CTNNBIP1: variants seen among roughly 807,000 people sequenced by gnomAD.
CTNNBIP1 encodes the protein beta-catenin-interacting protein 1.
In CTNNBIP1, 7 loss-of-function variants were observed where a neutral mutation model predicts 11.8. The observed-to-expected ratio is 0.60, with a 90% CI of 0.34 to 1.12. CTNNBIP1 has a LOEUF of 1.12. CTNNBIP1 is among the 50% of genes most tolerant of loss of function. The pLI is 0.03. For missense variants in CTNNBIP1, 101 were observed against 113.4 expected (o/e 0.89, Z 0.50); for synonymous variants, 58 against 43.9 (o/e 1.32, Z -1.26).
In CTNNBIP1 at chr1:9,879,871, C is replaced by T. The variant is rs1024311472; in HGVS notation, c.-109-1882G>A. 2.0e-5 allele frequency among the ~76,000 whole-genome samples: 3 copies of T among 152,112 alleles called. No homozygotes were observed. The South Asian group carries it at 6.2e-4, about 32-fold the overall frequency. On this transcript the variant is annotated intron_variant, in intron 2 of 5. Transcript: ENST00000377263. ...GAAGGGGTCAAAGGATAGGGACTGT[C>T]CAGGGATTCACGGACAGCTGTTCTA...
intron 5 of CTNNBIP1, among the ~76,000 whole-genome samples, chr1:9,854,035 C>T (rs1364157439): frequency 6.6e-6 from 1 of 152,066 alleles, no homozygotes; most frequent in Non-Finnish European, 1.5e-5. Context: ...GGATAAAGGA[C>T]AAAAACCATA....
Position 9,872,073 on chromosome 1 carries a change from C to T in CTNNBIP1, c.-9G>A, listed in dbSNP as rs11555522. The stretch of plus-strand genomic sequence containing the variant: ...GCTCCCTCGCGGTTCATCCCCCTGC[C>T]TGGCTCTGGGGACTCCTGCAGAGCA... On this transcript the variant is annotated 5_prime_UTR_variant, in exon 4 of 6. Coordinates refer to ENST00000377263, the MANE Select transcript of CTNNBIP1 (RefSeq NM_020248.3). The surrounding 1 kb of genome is among the most constrained non-coding windows in gnomAD (Gnocchi z 4.0). 20 of 1,611,106 alleles carry T rather than the reference C, an allele frequency of 1.2e-5. No individual in the cohort carries two copies. In the African/African-American group the frequency reaches 2.5e-4, roughly 20 times the overall value.
At chr1:9,887,951 A>G (rs996814907) in intron 1 of CTNNBIP1, among the ~76,000 whole-genome samples, 7 of 151,494 alleles carry the variant, frequency 4.6e-5, no homozygotes, top group Non-Finnish European at 8.8e-5. Flanking sequence ...CAGCCTCCTA[A>G]TAGCTGGGAT....
chr1:9,876,229 T>G (rs1455862405), intron 3 of CTNNBIP1, among the ~76,000 whole-genome samples: 2 of 152,174 alleles, frequency 1.3e-5, no homozygotes, highest in Non-Finnish European at 2.9e-5. Context: ...CCCATAAACA[T>G]TCCAGCGTCT....
In CTNNBIP1 at chr1:9,897,123, G is replaced by C. The variant is rs567325291; in HGVS notation, c.-144+12972C>G. Among the ~76,000 whole-genome samples, 36 of 151,860 alleles carry C rather than the reference G, an allele frequency of 2.4e-4. 1 individual carries two copies. In the South Asian group the frequency reaches 6.7e-3, roughly 28 times the overall value. ...ATCACTGCATTGCACTCCAGCCTGG[G>C]AGACAAAGCGAGACTCTGTCTCAAA... is the stretch of plus-strand genomic sequence containing the variant. On this transcript the variant is annotated intron_variant, in intron 1 of 5. Coordinates refer to ENST00000377263, the MANE Select transcript of CTNNBIP1 (RefSeq NM_020248.3).
chr1:9,863,439 C>T (rs1181319715), intron 5 of CTNNBIP1, among the ~76,000 whole-genome samples: 1 of 152,206 alleles, frequency 6.6e-6, no homozygotes, highest in Non-Finnish European at 1.5e-5. Context: ...GAGAAGCCTC[C>T]AAGCCACATG....
At chr1:9,864,569 C>A (rs1470177718) in intron 5 of CTNNBIP1, among the ~76,000 whole-genome samples, 1 of 152,174 alleles carries the variant, frequency 6.6e-6, no homozygotes, top group Non-Finnish European at 1.5e-5. Flanking sequence ...ACCTCGTGAT[C>A]CGCCCACCTT....
At chr1:9,892,747 C>T (rs187536629) in intron 1 of CTNNBIP1, among the ~76,000 whole-genome samples, 6 of 152,258 alleles carry the variant, frequency 3.9e-5, no homozygotes, top group Admixed American at 1.3e-4. Flanking sequence ...CCTGGCTCCA[C>T]GCATCACGTG....
At chr1:9,902,108 T>C (rs898507554) in intron 1 of CTNNBIP1, among the ~76,000 whole-genome samples, 4 of 152,056 alleles carry the variant, frequency 2.6e-5, no homozygotes, top group Admixed American at 2.0e-4. Context: ...CCCACTCTAA[T>C]CTGTATATAT....
chr1:9,852,430 T>C (rs1461533672), intron 5 of CTNNBIP1, among the ~76,000 whole-genome samples: 1 of 152,162 alleles, frequency 6.6e-6, no homozygotes, highest in Non-Finnish European at 1.5e-5. Context: ...AGAAGGGAAA[T>C]AAGCATCTAG....
chr1:9,865,547 T>G (rs894273211), intron 5 of CTNNBIP1, among the ~76,000 whole-genome samples: 1 of 151,710 alleles, frequency 6.6e-6, no homozygotes, highest in Non-Finnish European at 1.5e-5. Flanking sequence ...GAGTTTGCAG[T>G]GAGCCGAGAC....
rs1301582219 is a variant in CTNNBIP1 at position 9,871,050 on chromosome 1, C to G, written c.187+137G>C. 1.6e-6 allele frequency: 1 copy of G among 640,654 alleles called. No individual in the cohort carries two copies. Among genetic ancestry groups the G allele is most frequent in the African/African-American group, 1.8e-5 (1 of 54,106 alleles). The allele number at this position is 640,654 out of a possible 1,614,324, so 39.7% of individuals were successfully genotyped here. A position where few individuals can be genotyped will look rare whatever the true frequency, so the allele number is the denominator to read the frequency against. ...GGCTCAGCTCTGTGGGTGGAGAGAG[C>G]TGTAGCCCCTCCTAGTCAGCCCTGG... On this transcript the variant is annotated intron_variant, in intron 5 of 5. Coordinates refer to ENST00000377263, the MANE Select transcript of CTNNBIP1 (RefSeq NM_020248.3). The surrounding 1 kb of genome is among the most constrained non-coding windows in gnomAD (Gnocchi z 5.2).
intron 1 of CTNNBIP1, among the ~76,000 whole-genome samples, chr1:9,900,464 C>G (rs148018987): frequency 6.6e-6 from 1 of 152,182 alleles, no homozygotes; most frequent in East Asian, 1.9e-4. Flanking sequence ...CAGTGCAGTG[C>G]GGTGCCTGAC....
intron 5 of CTNNBIP1, among the ~76,000 whole-genome samples, chr1:9,855,427 A>G (rs951513378): frequency 1.3e-5 from 2 of 152,206 alleles, no homozygotes; most frequent in Admixed American, 6.5e-5. Context: ...TGGTACTGGC[A>G]TAAGGACAGA....
At chr1:9,888,331 C>A (rs923934257) in intron 1 of CTNNBIP1, among the ~76,000 whole-genome samples, 3 of 151,788 alleles carry the variant, frequency 2.0e-5, no homozygotes, top group Non-Finnish European at 4.4e-5. Flanking sequence ...CCTGTAATCC[C>A]AGCACTTTGG....
intron 1 of CTNNBIP1, among the ~76,000 whole-genome samples, chr1:9,908,370 CTTTT>C (rs35640583): frequency 6.9e-5 from 5 of 72,472 alleles, no homozygotes; most frequent in Non-Finnish European, 5.6e-5. Context: ...TCCACAGATT[CTTTT>C]TTTTTTTTTT....
At chr1:9,863,848 C>CCCTA in intron 5 of CTNNBIP1, among the ~76,000 whole-genome samples, 1 of 152,292 alleles carries the variant, frequency 6.6e-6, no homozygotes, top group Non-Finnish European at 1.5e-5. Context: ...ATGCCACCAC[C>CCCTA]CCTAATAGGG....
At chr1:9,882,328 C>G (rs913045856) in intron 2 of CTNNBIP1, among the ~76,000 whole-genome samples, 1 of 152,218 alleles carries the variant, frequency 6.6e-6, no homozygotes, top group Non-Finnish European at 1.5e-5. Context: ...TGATGAGAGG[C>G]TTCCAATGAG....
At chr1:9,858,482 A>G (rs571109230) in intron 5 of CTNNBIP1, among the ~76,000 whole-genome samples, 32 of 152,274 alleles carry the variant, frequency 2.1e-4, no homozygotes, top group Non-Finnish European at 1.6e-4. Context: ...TCCTTCAAGC[A>G]CAAGTCCTTA....
Sources: allele counts gnomAD v4.1 joint callset (sites outside exome capture counted in the v4.1 genomes callset), GRCh38; gene constraint gnomAD v4.1.1; non-coding constraint Gnocchi (gnomAD v3.1); transcripts MANE v1.5; gene names NCBI Gene and HGNC (gene_info 2026-07-23, HGNC 2026-07-21).